Variants in AP1B1 observed in about 807,000 individuals in gnomAD.
The protein encoded by AP1B1 is adaptor related protein complex 1 subunit beta 1.
AP1B1 carries 36 observed loss-of-function variants against 104.3 expected under a neutral mutation model. That is an observed-to-expected ratio of 0.35 (90% CI 0.26 to 0.46). AP1B1 has a LOEUF of 0.46. Ranked by LOEUF, AP1B1 falls within the 20% of genes least tolerant of loss-of-function variation. AP1B1 has a pLI of 1.00. For missense variants in AP1B1, 901 were observed against 1,247.9 expected (o/e 0.72, Z 4.19); for synonymous variants, 504 against 517.5 (o/e 0.97, Z 0.35).
chr22:29,358,652 G>C, intron 5 of AP1B1, 74 bp downstream of exon 5: 2 of 1,551,232 alleles, frequency 1.3e-6, no homozygotes, highest in Non-Finnish European at 1.8e-6. Context: ...ACTGCCTGGT[G>C]AAGAGTCAAG....
Position 29,349,516 on chromosome 22 carries a change from T to C in AP1B1, c.1272-133A>G, listed in dbSNP as rs911955999. 16 of 909,372 alleles carry C rather than the reference T, an allele frequency of 1.8e-5. No individual in the cohort carries two copies. The Admixed American group carries it at 4.2e-4, about 24-fold the overall frequency. The allele number at this position is 909,372 out of a possible 1,614,324, so 56.3% of individuals were successfully genotyped here. ...AGGTGGCAGGTAAAGGGGATCTGAG[T>C]TTTGTTTTTTTTTTTGAGATGGAGT... is the stretch of plus-strand genomic sequence containing the variant. On this transcript the variant is annotated intron_variant, in intron 10 of 22. Coordinates refer to ENST00000357586, the MANE Select transcript of AP1B1 (RefSeq NM_001127.4).
At chr22:29,376,156 C>G (rs1296490841) in intron 1 of AP1B1, among the ~76,000 whole-genome samples, 1 of 152,146 alleles carries the variant, frequency 6.6e-6, no homozygotes, top group African/African-American at 2.4e-5. Context: ...GCCAGCAAAC[C>G]CCATTAGGTC....
chr22:29,349,975 C>A (rs1417098122), intron 10 of AP1B1, 60 bp downstream of exon 10: 2 of 1,327,398 alleles, frequency 1.5e-6, no homozygotes, highest in Non-Finnish European at 2.2e-6. Context: ...CTTTTCTGCC[C>A]CGCCATCCCT....
intron 7 of AP1B1, among the ~76,000 whole-genome samples, chr22:29,353,016 G>A (rs765630673): frequency 6.6e-6 from 1 of 152,142 alleles, no homozygotes; most frequent in Non-Finnish European, 1.5e-5. Context: ...TCTGCCTTCC[G>A]CGAGTATCAC....
chr22:29,379,980 C>T (rs746116945), intron 1 of AP1B1, among the ~76,000 whole-genome samples: 6 of 152,110 alleles, frequency 3.9e-5, no homozygotes, highest in Non-Finnish European at 7.4e-5. Context: ...CTGTGAGCCC[C>T]GCTGCCTGGC....
chr22:29,334,395 T>G lies in AP1B1; in HGVS notation c.2179A>C (p.Met727Leu). 3 of 1,604,626 alleles carry G rather than the reference T, an allele frequency of 1.9e-6. No homozygotes were observed. Among genetic ancestry groups the G allele is most frequent in the Non-Finnish European group, 2.5e-6 (3 of 1,176,998 alleles). Residue 727 changes from methionine (M) to leucine (L), a missense_variant, in exon 17 of 23, where the codon ATG becomes CTG. Physicochemically the swap from Met to Leu is conservative, Grantham distance 15 (BLOSUM62 2). This residue lies in a region of AP1B1 where 424 missense variants were observed against 494.0 expected (regional missense o/e 0.86). Transcript: ENST00000357586. ...VAPKAVWLPA[M>L]KAKGLEISGT... Reference sequence around the variant, plus strand: ...GAGATCTCCAGCCCCTTAGCCTTCATGGCTGGGAGCCAGACCTGCAGGGAA... The same window carrying G: ...GAGATCTCCAGCCCCTTAGCCTTCAGGGCTGGGAGCCAGACCTGCAGGGAA...
At chr22:29,351,505 G>T in intron 8 of AP1B1, 200 bp downstream of exon 8, 2 of 853,472 alleles carry the variant, frequency 2.3e-6, no homozygotes, top group South Asian at 1.8e-5. Flanking sequence ...GATGACAGGT[G>T]ATAACATGGA....
intron 9 of AP1B1, 102 bp from the exon 10 acceptor site, chr22:29,350,252 A>C: frequency 4.9e-6 from 4 of 815,780 alleles, no homozygotes; most frequent in Non-Finnish European, 8.2e-6. Context: ...CACTTCTGGC[A>C]CACCTTCCTC....
At chr22:29,374,191 G>T (rs1362121921) in intron 1 of AP1B1, among the ~76,000 whole-genome samples, 3 of 152,100 alleles carry the variant, frequency 2.0e-5, no homozygotes, top group Non-Finnish European at 4.4e-5. Flanking sequence ...AACAGAGCAA[G>T]ACTCTGTCTA....
intron 22 of AP1B1, 56 bp downstream of exon 22, chr22:29,329,656 T>C (rs980446838): frequency 6.2e-7 from 1 of 1,610,980 alleles, no homozygotes; most frequent in East Asian, 2.2e-5. Context: ...ATGGGGGCCA[T>C]GACAGGAGAC....
At position 29,329,851 on chromosome 22, in the gene AP1B1, TGTC is replaced by T. The variant is rs542746422; in HGVS notation, c.2767-134_2767-132del. On this transcript the variant is annotated intron_variant, in intron 21 of 22. Transcript: ENST00000357586. ...TGCCAGCAGGACCCAGGAGGGGCAG[TGTC>T]TGGAGGGCCATGCCTGCCAGAGACT... is the stretch of plus-strand genomic sequence containing the variant. 2.0e-5 allele frequency: 31 copies of T among 1,517,334 alleles called. No individual in the cohort carries two copies. The African/African-American group carries it at 4.0e-4, about 20-fold the overall frequency. 94.0% of individuals were successfully genotyped at this position (1,517,334 alleles called of 1,614,324 possible). A position where few individuals can be genotyped will look rare whatever the true frequency, so the allele number is the denominator to read the frequency against.
intron 12 of AP1B1, among the ~76,000 whole-genome samples, 168 bp from the exon 13 acceptor site, chr22:29,341,928 G>A (rs569760096): frequency 6.6e-6 from 1 of 152,316 alleles, no homozygotes; most frequent in African/African-American, 2.4e-5. Flanking sequence ...CCATGCCCTG[G>A]CCCCGGGCTC....
rs566780913 is a variant in AP1B1, at chr22:29,365,997, T to G, written c.37+1210A>C. On this transcript the variant is annotated intron_variant, in intron 2 of 22. Coordinates refer to ENST00000357586, the MANE Select transcript of AP1B1 (RefSeq NM_001127.4). ...TCTCAGTAAAAACCAGCTAGACCAATACATGAAATGCCTGATGAGGGGCAG... is the reference window on the plus strand; with the variant it reads ...TCTCAGTAAAAACCAGCTAGACCAAGACATGAAATGCCTGATGAGGGGCAG... Among the ~76,000 whole-genome samples, 32 of 152,264 alleles carry G rather than the reference T, an allele frequency of 2.1e-4. 1 individual carries two copies. The South Asian group carries it at 6.4e-3, about 31-fold the overall frequency.
chr22:29,377,195 C>CAAAAAAAAAAA, intron 1 of AP1B1, among the ~76,000 whole-genome samples: 1 of 64,678 alleles, frequency 1.5e-5, no homozygotes, highest in Non-Finnish European at 2.7e-5. Flanking sequence ...GACCCTGTCT[C>CAAAAAAAAAAA]AAAAAAAAAA....
Position 29,329,963 on chromosome 22 carries a change from C to G in AP1B1, c.2767-243G>C, listed in dbSNP as rs1040090506. 2.8e-6 allele frequency: 4 copies of G among 1,416,960 alleles called. No homozygotes were observed. In the East Asian group the frequency reaches 7.7e-5, roughly 27 times the overall value. The allele number at this position is 1,416,960 out of a possible 1,614,324, so 87.8% of individuals were successfully genotyped here. On this transcript the variant is annotated intron_variant, in intron 21 of 22. Transcript: ENST00000357586. ...AGGCCTCCAGGACAACTGTGTGCCCCAGGGAAGCCATTCTCTAACAGGTCT... is the reference window on the plus strand; with the variant it reads ...AGGCCTCCAGGACAACTGTGTGCCCGAGGGAAGCCATTCTCTAACAGGTCT...
chr22:29,385,276 C>A (rs994883363), intron 1 of AP1B1, among the ~76,000 whole-genome samples: 1 of 152,134 alleles, frequency 6.6e-6, no homozygotes, highest in Admixed American at 6.5e-5. Context: ...GTACTAGCTA[C>A]TTGGGAGGCT....
chr22:29,339,825 G>A (rs752806504), intron 14 of AP1B1, 51 bp from the exon 15 acceptor site: 4 of 1,576,234 alleles, frequency 2.5e-6, no homozygotes, highest in South Asian at 2.3e-5. Flanking sequence ...CATGCAGAGA[G>A]AAAAAGCCAG....
intron 1 of AP1B1, among the ~76,000 whole-genome samples, chr22:29,384,351 C>G (rs182599613): frequency 6.6e-6 from 1 of 152,306 alleles, no homozygotes; most frequent in African/African-American, 2.4e-5. Context: ...TGAAAGTAGT[C>G]TCAGCACTGA....
intron 11 of AP1B1, among the ~76,000 whole-genome samples, chr22:29,346,670 C>G (rs2061797500): frequency 6.6e-6 from 1 of 152,194 alleles, no homozygotes; most frequent in African/African-American, 2.4e-5. Context: ...TACAGGACAT[C>G]CTTGCAGTGA....
Sources: gnomAD v4.1 joint callset for allele counts (sites outside exome capture counted in the v4.1 genomes callset) on GRCh38, gnomAD v4.1.1 for gene constraint, gnomAD v4.1.1 regional missense constraint, MANE v1.5 for transcripts, NCBI Gene and HGNC (gene_info 2026-07-23, HGNC 2026-07-21) for gene names.